TNRC6A: variants seen among roughly 807,000 people sequenced by gnomAD.
TNRC6A encodes trinucleotide repeat-containing gene 6A protein.
TNRC6A carries 44 observed loss-of-function variants against 221.2 expected under a neutral mutation model. That is an observed-to-expected ratio of 0.20 (90% CI 0.16 to 0.26). TNRC6A has a LOEUF of 0.26. Ranked by LOEUF, TNRC6A falls within the 10% of genes least tolerant of loss-of-function variation. The pLI, the probability that TNRC6A is intolerant of heterozygous loss-of-function variation, is 1.00. For missense variants in TNRC6A, 2,199 were observed against 2,404.4 expected (o/e 0.91, Z 1.79); for synonymous variants, 847 against 838.5 (o/e 1.01, Z -0.18).
At chr16:24,618,726 C>A (rs1421404298) in intron 1 of TNRC6A, among the ~76,000 whole-genome samples, 1 of 141,136 alleles carries the variant, frequency 7.1e-6, no homozygotes, top group Non-Finnish European at 1.5e-5. Context: ...CCATGGCTCA[C>A]TGCAGCAAGC....
chr16:24,710,443 AC>A (rs1462017551), intron 2 of TNRC6A, among the ~76,000 whole-genome samples: 2 of 152,134 alleles, frequency 1.3e-5, no homozygotes, highest in Admixed American at 6.6e-5. Context: ...TGCCATCCCT[AC>A]AAAAAACAGA....
intron 2 of TNRC6A, among the ~76,000 whole-genome samples, chr16:24,680,805 G>A (rs554184665): frequency 3.1e-4 from 47 of 151,382 alleles, no homozygotes; most frequent in Admixed American, 2.9e-3. Context: ...TGTCACCCAT[G>A]CTGGACTGCA....
At chr16:24,772,277 G>C (rs1046632053) in intron 4 of TNRC6A, among the ~76,000 whole-genome samples, 4 of 152,176 alleles carry the variant, frequency 2.6e-5, no homozygotes, top group African/African-American at 9.7e-5. Context: ...ATTGGTAACA[G>C]TGTTATGTTG....
At chr16:24,756,499 G>T (rs747882881) in intron 3 of TNRC6A, among the ~76,000 whole-genome samples, 1 of 152,052 alleles carries the variant, frequency 6.6e-6, no homozygotes, top group Non-Finnish European at 1.5e-5. Flanking sequence ...GATTCTTAGG[G>T]GCAGACACAC....
intron 2 of TNRC6A, among the ~76,000 whole-genome samples, chr16:24,742,089 G>A (rs775049992): frequency 1.3e-5 from 2 of 152,100 alleles, no homozygotes; most frequent in African/African-American, 2.4e-5. Flanking sequence ...TACCACCTTG[G>A]CCTTCCAAAG....
At position 24,813,102 on chromosome 16, in the gene TNRC6A, CCT is replaced by C. The variant is rs1239096476; in HGVS notation, c.4673-2044_4673-2043del. On this transcript the variant is annotated intron_variant, in intron 18 of 24. Coordinates refer to ENST00000395799, the MANE Select transcript of TNRC6A (RefSeq NM_014494.4). Reference sequence around the variant, plus strand: ...ATGTTGCCCAGGCTGGTCTCAAATTCCTGAGCTCAAGTGATCCACCTGCTTCG... The same window carrying C: ...ATGTTGCCCAGGCTGGTCTCAAATTCGAGCTCAAGTGATCCACCTGCTTCG... 4.6e-5 allele frequency among the ~76,000 whole-genome samples: 7 copies of C among 152,044 alleles called. No individual in the cohort carries two copies. The East Asian group carries it at 1.4e-3, about 29-fold the overall frequency.
intron 1 of TNRC6A, among the ~76,000 whole-genome samples, chr16:24,622,677 C>G (rs1417083449): frequency 6.6e-6 from 1 of 152,122 alleles, no homozygotes; most frequent in African/African-American, 2.4e-5. Flanking sequence ...CAACATGCCT[C>G]CAAAACCAGC....
chr16:24,718,599 T>C (rs1465522838), intron 2 of TNRC6A, among the ~76,000 whole-genome samples: 1 of 152,196 alleles, frequency 6.6e-6, no homozygotes, highest in African/African-American at 2.4e-5. Flanking sequence ...CAAGAGTTCT[T>C]GAAGAATCTT....
rs188139017 is a variant in TNRC6A, at chr16:24,676,802, A to T, written n.402+35793A>T. On this transcript the variant is annotated intron_variant and non_coding_transcript_variant, in intron 2 of 2. Transcript: ENST00000566108. ...CATTTGATCACTCTCCTTCCTTCCA[A>T]TTCTCTTCTCTGAAGACTCTATGAC... Among the ~76,000 whole-genome samples the T allele has an allele frequency of 3.3e-5, 5 of 151,946 alleles. No homozygotes were observed. In the East Asian group the frequency reaches 5.8e-4, roughly 18 times the overall value.
intron 2 of TNRC6A, among the ~76,000 whole-genome samples, chr16:24,668,268 C>T (rs1461382643): frequency 6.6e-6 from 1 of 151,104 alleles, no homozygotes; most frequent in Non-Finnish European, 1.5e-5. Context: ...GTGGAGGTTG[C>T]GGTGAGCCAA....
chr16:24,693,224 G>C (rs2055790810), intron 2 of TNRC6A, among the ~76,000 whole-genome samples: 1 of 151,966 alleles, frequency 6.6e-6, no homozygotes, highest in Non-Finnish European at 1.5e-5. Context: ...GGAGGCCGAG[G>C]TGGGAGGATC....
chr16:24,695,101 C>A (rs1276002975), intron 2 of TNRC6A, among the ~76,000 whole-genome samples: 2 of 152,114 alleles, frequency 1.3e-5, no homozygotes, highest in Non-Finnish European at 2.9e-5. Context: ...GTGTACTGGG[C>A]CCTGTGCTAA....
intron 1 of TNRC6A, among the ~76,000 whole-genome samples, chr16:24,617,298 A>C (rs557828558): frequency 5.3e-5 from 8 of 151,772 alleles, no homozygotes; most frequent in Non-Finnish European, 1.0e-4. Context: ...GCTAATTTTT[A>C]AAATATTTTT....
In TNRC6A at chr16:24,778,333, G is replaced by A. The variant is rs571959288; in HGVS notation, c.589+975G>A. 25 of 984,648 alleles carry A rather than the reference G, an allele frequency of 2.5e-5. No homozygotes were observed. In the South Asian group the frequency reaches 1.1e-3, roughly 44 times the overall value. 61.0% of individuals were successfully genotyped at this position (984,648 alleles called of 1,614,324 possible). A position where few individuals can be genotyped will look rare whatever the true frequency, so the allele number is the denominator to read the frequency against. On this transcript the variant is annotated intron_variant, in intron 5 of 24. Coordinates refer to ENST00000395799, the MANE Select transcript of TNRC6A (RefSeq NM_014494.4). ...ACTCTGTACATTGTAATATATTATG[G>A]TATTTCACAGTGAATAAGTAGCAGA...
intron 1 of TNRC6A, among the ~76,000 whole-genome samples, chr16:24,634,409 G>A (rs774149321): frequency 2.6e-5 from 4 of 152,058 alleles, no homozygotes; most frequent in South Asian, 2.1e-4. Flanking sequence ...CAGCCTGGGC[G>A]ACAGAGAGAG....
chr16:24,769,468 CAAAAAAAA>C (rs35988161), intron 4 of TNRC6A, among the ~76,000 whole-genome samples: 1 of 101,370 alleles, frequency 9.9e-6, no homozygotes, highest in South Asian at 2.8e-4. Context: ...ACAGTATGAC[CAAAAAAAA>C]AAAAAAAAAC....
At chr16:24,710,938 C>T (rs967263905) in intron 2 of TNRC6A, among the ~76,000 whole-genome samples, 26 of 151,202 alleles carry the variant, frequency 1.7e-4, no homozygotes, top group Admixed American at 1.3e-3. Context: ...TGCAGTGGTG[C>T]GATCTCAGCT....
chr16:24,806,146 T>C, intron 15 of TNRC6A, 60 bp from the exon 16 acceptor site: 2 of 1,594,670 alleles, frequency 1.3e-6, no homozygotes, highest in Non-Finnish European at 1.7e-6. Context: ...TGTCGTCATT[T>C]GGAAGCACAC....
chr16:24,666,639 G>GAGAA (rs1781820947), intron 2 of TNRC6A, among the ~76,000 whole-genome samples: 1 of 31,490 alleles, frequency 3.2e-5, no homozygotes, highest in African/African-American at 1.1e-4. Flanking sequence ...CTGTCTTAGA[G>GAGAA]AAAAAAAAAA....
Sources: gnomAD v4.1 joint callset for allele counts (sites outside exome capture counted in the v4.1 genomes callset) on GRCh38, gnomAD v4.1.1 for gene constraint, MANE v1.5 for transcripts, NCBI Gene and HGNC (gene_info 2026-07-23, HGNC 2026-07-21) for gene names.